The following ZZZ3 variants were observed in gnomAD, a reference collection of about 807,000 sequenced individuals.
ZZZ3 encodes ZZ-type zinc finger-containing protein 3.
In ZZZ3, 22 loss-of-function variants were observed where a neutral mutation model predicts 95.2. That is an observed-to-expected ratio of 0.23 (90% confidence interval 0.17 to 0.33). The LOEUF (loss-of-function observed/expected upper bound fraction) is 0.33. ZZZ3 is among the 10% of genes least tolerant of loss of function. The pLI, the probability that ZZZ3 is intolerant of heterozygous loss-of-function variation, is 1.00. For synonymous variants in ZZZ3, 335 were observed against 358.9 expected (o/e 0.93, Z 0.75); for missense variants, 885 against 1,066.5 (o/e 0.83, Z 2.37).
chr1:77,662,528 G>T (rs1670892501), intron 1 of ZZZ3, among the ~76,000 whole-genome samples: 1 of 152,182 alleles, frequency 6.6e-6, no homozygotes, highest in Non-Finnish European at 1.5e-5. Context: ...ACCCTGTAGT[G>T]ACTAGAATTG....
intron 5 of ZZZ3, among the ~76,000 whole-genome samples, chr1:77,588,533 A>G (rs1663334802): frequency 6.6e-6 from 1 of 152,228 alleles, no homozygotes; most frequent in Non-Finnish European, 1.5e-5. Flanking sequence ...CAATATGAAG[A>G]AAAACCTTGT....
At chr1:77,573,401 C>T (rs1359307313) in intron 12 of ZZZ3, among the ~76,000 whole-genome samples, 4 of 152,114 alleles carry the variant, frequency 2.6e-5, no homozygotes, top group Admixed American at 2.0e-4. Flanking sequence ...GGATTACAGG[C>T]GTGAGCCACA....
At chr1:77,581,485 T>C (rs1662517870) in intron 8 of ZZZ3, among the ~76,000 whole-genome samples, 3 of 152,164 alleles carry the variant, frequency 2.0e-5, no homozygotes. Context: ...ACTAGGCACA[T>C]TGCATATACT....
chr1:77,680,657 T>C (rs182221404), intron 1 of ZZZ3, among the ~76,000 whole-genome samples: 1 of 152,326 alleles, frequency 6.6e-6, no homozygotes, highest in East Asian at 1.9e-4. Flanking sequence ...TATACCTTTG[T>C]TTGTACTAAC....
At chr1:77,652,889 T>C (rs988000748) in intron 1 of ZZZ3, among the ~76,000 whole-genome samples, 9 of 152,154 alleles carry the variant, frequency 5.9e-5, no homozygotes, top group African/African-American at 2.2e-4. Context: ...TTATATAAAA[T>C]ACCCTGAATA....
At chr1:77,675,536 A>G (rs368747619) in intron 1 of ZZZ3, among the ~76,000 whole-genome samples, 1 of 152,150 alleles carries the variant, frequency 6.6e-6, no homozygotes, top group South Asian at 2.1e-4. Flanking sequence ...ACAGAAGGAA[A>G]TTACATCACA....
intron 1 of ZZZ3, among the ~76,000 whole-genome samples, chr1:77,680,775 T>C (rs1672684032): frequency 6.6e-6 from 1 of 152,182 alleles, no homozygotes; most frequent in Non-Finnish European, 1.5e-5. Context: ...CCTATATAGT[T>C]AGGTTACAGT....
chr1:77,612,157 G>C (rs980159194), intron 5 of ZZZ3, among the ~76,000 whole-genome samples: 1 of 151,922 alleles, frequency 6.6e-6, no homozygotes, highest in Non-Finnish European at 1.5e-5. Context: ...TTTCTCCAAA[G>C]ACATAAAAAT....
intron 5 of ZZZ3, among the ~76,000 whole-genome samples, chr1:77,603,130 G>A (rs1413423813): frequency 6.6e-6 from 1 of 151,784 alleles, no homozygotes; most frequent in African/African-American, 2.4e-5. Flanking sequence ...AGGCTGGAGT[G>A]CAGTAGGATA....
chr1:77,568,546 T>A, intron 12 of ZZZ3, 80 bp from the exon 13 acceptor site: 1 of 720,338 alleles, frequency 1.4e-6, no homozygotes, highest in Non-Finnish European at 2.1e-6. Flanking sequence ...ATACAGAATA[T>A]TTTTCTACTG....
In ZZZ3 at chr1:77,576,167, G is replaced by A. The variant is rs1213222615; in HGVS notation, c.2232C>T (p.Ser744=). 6.2e-7 allele frequency: 1 copy of A among 1,613,272 alleles called. No individual in the cohort carries two copies. Among genetic ancestry groups the A allele is most frequent in the Non-Finnish European group, 8.5e-7 (1 of 1,179,842 alleles). ...HPLNKHLFKP[S]TFMTSHEPPV... ...GCGGTTCATGTGAAGTCATGAAAGT[G>A]GAAGGCTTAAAGAGATGCTTATTAA... The change falls in exon 12 of 15, where the codon TCC becomes TCT. Residue 744 remains serine (S), a synonymous_variant. Transcript: ENST00000370801.
At chr1:77,631,139 G>A (rs1667771192) in intron 5 of ZZZ3, among the ~76,000 whole-genome samples, 1 of 152,116 alleles carries the variant, frequency 6.6e-6, no homozygotes, top group Admixed American at 6.5e-5. Context: ...GAAATATTGT[G>A]AAAAATTTGG....
Position 77,581,960 on chromosome 1 carries a change from T to C in ZZZ3, c.1792+19A>G, listed in dbSNP as rs1162271197. 1.9e-6 allele frequency: 3 copies of C among 1,600,456 alleles called. No individual in the cohort carries two copies. The highest frequency in any genetic ancestry group is 1.7e-5 in the Admixed American group (1 of 59,326). On this transcript the variant is annotated intron_variant, in intron 7 of 14. Transcript: ENST00000370801. ...GCCAGATATTTTTCTACTTAAATTC[T>C]TATCATATGATTTCTTACCTTTATC...
chr1:77,674,203 G>A (rs1314595924), intron 1 of ZZZ3, among the ~76,000 whole-genome samples: 1 of 152,094 alleles, frequency 6.6e-6, no homozygotes, highest in Non-Finnish European at 1.5e-5. Flanking sequence ...AACCATGAAT[G>A]CCATGAGAAA....
At chr1:77,587,712 A>G (rs150187703) in intron 5 of ZZZ3, among the ~76,000 whole-genome samples, 182 of 152,318 alleles carry the variant, frequency 1.2e-3, no homozygotes, top group African/African-American at 4.3e-3. Context: ...GTAAGATGAA[A>G]TAACAATACA....
At chr1:77,605,838 G>C (rs983888685) in intron 5 of ZZZ3, among the ~76,000 whole-genome samples, 1 of 152,130 alleles carries the variant, frequency 6.6e-6, no homozygotes. Flanking sequence ...GCAGTGACAC[G>C]CAGGTAGTAC....
At chr1:77,659,547 C>T (rs901497592) in intron 1 of ZZZ3, among the ~76,000 whole-genome samples, 7 of 151,380 alleles carry the variant, frequency 4.6e-5, no homozygotes, top group African/African-American at 1.2e-4. Flanking sequence ...ATTAGCCAGG[C>T]GTGGGGGCAC....
At chr1:77,603,171 T>C (rs1453212365) in intron 5 of ZZZ3, among the ~76,000 whole-genome samples, 1 of 152,056 alleles carries the variant, frequency 6.6e-6, no homozygotes, top group African/African-American at 2.4e-5. Context: ...CTTGATCTCC[T>C]GGGCTGAATC....
intron 5 of ZZZ3, among the ~76,000 whole-genome samples, chr1:77,621,056 G>A (rs997309535): frequency 2.3e-4 from 35 of 152,292 alleles, no homozygotes; most frequent in Middle Eastern, 6.8e-3. Flanking sequence ...GAAGGCAGTT[G>A]TAGAGTTCCT....
Sources: gnomAD v4.1 joint callset for allele counts (sites outside exome capture counted in the v4.1 genomes callset) on GRCh38, gnomAD v4.1.1 for gene constraint, MANE v1.5 for transcripts, NCBI Gene and HGNC (gene_info 2026-07-23, HGNC 2026-07-21) for gene names.